Variants in PARP15 observed in about 807,000 individuals in gnomAD.
PARP15 encodes poly(ADP-ribose) polymerase family member 15.
In PARP15, 50 loss-of-function variants were observed where a neutral mutation model predicts 62.1. The ratio of observed to expected loss-of-function variants is 0.81; its 90% CI spans 0.64 to 1.02. The LOEUF (loss-of-function observed/expected upper bound fraction) is 1.02, where lower values mean the gene tolerates loss of function less well. Among genes scored for constraint, PARP15 ranks in the 50% least tolerant of loss-of-function variants. PARP15 has a pLI of 0.00. For synonymous variants in PARP15, 309 were observed against 293.1 expected (o/e 1.05, Z -0.55); for missense variants, 820 against 826.5 (o/e 0.99, Z 0.10).
chr3:122,598,273 G>A (rs1238640104), intron 1 of PARP15, among the ~76,000 whole-genome samples: 2 of 152,086 alleles, frequency 1.3e-5, no homozygotes, highest in Non-Finnish European at 2.9e-5. Context: ...ACAAAACTTG[G>A]GTGTTTTAGA....
chr3:122,605,264 A>C (rs1470070287), intron 1 of PARP15, among the ~76,000 whole-genome samples: 1 of 152,150 alleles, frequency 6.6e-6, no homozygotes, highest in African/African-American at 2.4e-5. Flanking sequence ...CTACACCAGC[A>C]AGCCAAATGA....
At chr3:122,615,649 C>T in intron 4 of PARP15, 130 bp from the exon 5 acceptor site, 1 of 1,549,892 alleles carries the variant, frequency 6.5e-7, no homozygotes, top group Non-Finnish European at 8.7e-7. Context: ...TAAGAAGTCT[C>T]TGAGGGAAGA....
chr3:122,610,071 A>G (rs913755957), intron 2 of PARP15, among the ~76,000 whole-genome samples: 2 of 152,144 alleles, frequency 1.3e-5, no homozygotes, highest in African/African-American at 2.4e-5. Flanking sequence ...CCAGGCTGAG[A>G]GCAATTCTTT....
chr3:122,633,269 C>A (rs950329506), intron 10 of PARP15, among the ~76,000 whole-genome samples: 2 of 152,178 alleles, frequency 1.3e-5, no homozygotes, highest in Non-Finnish European at 2.9e-5. Flanking sequence ...CACAGTAGGA[C>A]ACAATATGTG....
intron 1 of PARP15, among the ~76,000 whole-genome samples, chr3:122,600,654 G>A (rs1934713073): frequency 6.6e-6 from 1 of 152,048 alleles, no homozygotes; most frequent in Admixed American, 6.6e-5. Context: ...TAATCCCTTT[G>A]CAACATTTGG....
At chr3:122,633,273 A>G (rs1937162025) in intron 10 of PARP15, among the ~76,000 whole-genome samples, 1 of 152,224 alleles carries the variant, frequency 6.6e-6, no homozygotes, top group South Asian at 2.1e-4. Context: ...GTAGGACACA[A>G]TATGTGTTGA....
intron 2 of PARP15, among the ~76,000 whole-genome samples, chr3:122,609,694 TTTAAAAAAAAAAAAA>T (rs1221535961): frequency 9.5e-4 from 135 of 141,900 alleles, no homozygotes; most frequent in African/African-American, 3.6e-3. Context: ...CGAAATCGTG[TTTAAAAAAAAAAAAA>T]TTAAAAAAAA....
Position 122,632,073 on chromosome 3 carries a change from G to A in PARP15, c.1439-13G>A. The A allele has an allele frequency of 6.2e-7, 1 of 1,613,964 alleles. No individual in the cohort carries two copies. The highest frequency in any genetic ancestry group is 2.2e-5 in the East Asian group (1 of 44,868). The stretch of plus-strand genomic sequence containing the variant: ...AATGAATGTTGTGTTTTGACCAAAT[G>A]CTGACTTTCCAGGTAATCTTCCTGA... On this transcript the variant is annotated splice_polypyrimidine_tract_variant and intron_variant, in intron 9 of 11. Coordinates refer to ENST00000464300, the MANE Select transcript of PARP15 (RefSeq NM_001113523.3).
intron 8 of PARP15, among the ~76,000 whole-genome samples, chr3:122,626,300 G>A (rs1479247065): frequency 6.1e-5 from 9 of 148,558 alleles, no homozygotes; most frequent in Non-Finnish European, 7.4e-5. Context: ...CCAGGTTCAC[G>A]CCATTCTCCT....
intron 1 of PARP15, among the ~76,000 whole-genome samples, chr3:122,593,605 A>G (rs1367142599): frequency 2.0e-5 from 3 of 152,232 alleles, no homozygotes; most frequent in Admixed American, 6.5e-5. Flanking sequence ...TGATGCATAT[A>G]TGCAAATATA....
chr3:122,607,928 C>G (rs1935264437), intron 2 of PARP15, among the ~76,000 whole-genome samples: 1 of 152,216 alleles, frequency 6.6e-6, no homozygotes, highest in Non-Finnish European at 1.5e-5. Flanking sequence ...CGCCTCAGTA[C>G]TACCCTTACC....
At chr3:122,622,710 A>G (rs1936427741) in intron 8 of PARP15, among the ~76,000 whole-genome samples, 1 of 152,170 alleles carries the variant, frequency 6.6e-6, no homozygotes, top group Non-Finnish European at 1.5e-5. Context: ...GTTTCTAGGA[A>G]CGCTTTCCTC....
chr3:122,605,445 T>C (rs1343121435), intron 1 of PARP15, among the ~76,000 whole-genome samples: 1 of 152,238 alleles, frequency 6.6e-6, no homozygotes, highest in Non-Finnish European at 1.5e-5. Flanking sequence ...CAATTGATAT[T>C]CAAACATTAT....
chr3:122,591,057 A>G (rs1190634309), intron 1 of PARP15, among the ~76,000 whole-genome samples: 13 of 152,248 alleles, frequency 8.5e-5, no homozygotes, highest in Admixed American at 8.5e-4. Context: ...CCAATGAGTT[A>G]CCATTTTCCT....
intron 4 of PARP15, chr3:122,615,395 C>A (rs993837249): frequency 7.6e-5 from 98 of 1,297,372 alleles, no homozygotes; most frequent in Admixed American, 9.2e-5. Context: ...TTGCCCTGCC[C>A]CCTGCTCACC....
chr3:122,620,117 G>A (rs1408194994), intron 7 of PARP15, among the ~76,000 whole-genome samples: 2 of 152,130 alleles, frequency 1.3e-5, no homozygotes, highest in Non-Finnish European at 2.9e-5. Context: ...TTTACTGAGC[G>A]ATCCTAGGCA....
intron 5 of PARP15, 103 bp downstream of exon 5, chr3:122,615,960 G>T: frequency 8.8e-7 from 1 of 1,133,230 alleles, no homozygotes; most frequent in Non-Finnish European, 1.3e-6. Context: ...TTCACATGAA[G>T]AACAAATCTG....
At chr3:122,606,195 C>T in intron 2 of PARP15, 140 bp downstream of exon 2, 1 of 1,090,042 alleles carries the variant, frequency 9.2e-7, no homozygotes, top group Non-Finnish European at 1.3e-6. Context: ...GAAGTTAAAC[C>T]CACTTAAAGT....
At chr3:122,625,261 T>C (rs1445194103) in intron 8 of PARP15, among the ~76,000 whole-genome samples, 1 of 152,032 alleles carries the variant, frequency 6.6e-6, no homozygotes, top group Non-Finnish European at 1.5e-5. Context: ...GTTTTTTTGT[T>C]GTTGTTTTTT....
Sources: allele counts gnomAD v4.1 joint callset (sites outside exome capture counted in the v4.1 genomes callset), GRCh38; gene constraint gnomAD v4.1.1; transcripts MANE v1.5; gene names NCBI Gene and HGNC (gene_info 2026-07-23, HGNC 2026-07-21).